The following BCR variants were observed in gnomAD, a reference collection of about 807,000 sequenced individuals.
BCR encodes the protein breakpoint cluster region protein.
A neutral mutation model predicts 138.6 loss-of-function variants in BCR; 58 were observed. That is an observed-to-expected ratio of 0.42 (90% CI 0.34 to 0.52). The LOEUF (loss-of-function observed/expected upper bound fraction) is 0.52. Ranked by LOEUF, BCR falls within the 20% of genes least tolerant of loss-of-function variation. The pLI, the probability that BCR is intolerant of heterozygous loss-of-function variation, is 0.06. For synonymous variants in BCR, 786 were observed against 730.1 expected, an observed-to-expected ratio of 1.08 and a Z score of -1.23; for missense variants, 1,599 against 1,727.2, an observed-to-expected ratio of 0.93 and a Z score of 1.32.
In BCR at chr22:23,231,794, C is replaced by T. The variant is rs140755149; in HGVS notation, c.1280-22005C>T. Among the ~76,000 whole-genome samples the T allele has an allele frequency of 5.6e-4, 86 of 152,356 alleles. 1 individual carries two copies. The South Asian group carries it at 7.0e-3, about 12-fold the overall frequency. On this transcript the variant is annotated intron_variant, in intron 1 of 22. Transcript: ENST00000305877. Reference sequence around the variant, plus strand: ...TGAGTTATGTCCCCACCCGTGCCTACGCCCAACCTTTATGCCCCGTTTTTA... The same window carrying T: ...TGAGTTATGTCCCCACCCGTGCCTATGCCCAACCTTTATGCCCCGTTTTTA...
Position 23,217,742 on chromosome 22 carries a change from T to G in BCR, c.1279+35503T>G, listed in dbSNP as rs192324691. On this transcript the variant is annotated intron_variant, in intron 1 of 22. Coordinates refer to ENST00000305877, the MANE Select transcript of BCR (RefSeq NM_004327.4). ...AAGTTCTCTGTAAGTTTGTAAATGT[T>G]TGAAAATAAATAGTGGAATAAATAA... Among the ~76,000 whole-genome samples, 353 of 152,318 alleles carry G rather than the reference T, an allele frequency of 2.3e-3. 2 individuals carry two copies. The highest frequency in any genetic ancestry group is 8.1e-3 in the African/African-American group (337 of 41,566).
chr22:23,306,427 TG>T (rs1390020928), intron 16 of BCR, among the ~76,000 whole-genome samples: 1 of 151,948 alleles, frequency 6.6e-6, no homozygotes, highest in Non-Finnish European at 1.5e-5. Context: ...CTGCTGGGAG[TG>T]GTGCAGATTT....
At chr22:23,217,807 C>G (rs75578873) in intron 1 of BCR, among the ~76,000 whole-genome samples, 1 of 152,216 alleles carries the variant, frequency 6.6e-6, no homozygotes, top group African/African-American at 2.4e-5. Flanking sequence ...GTGGGATGCT[C>G]GTGAGACCTG....
At chr22:23,209,316 C>T (rs1019438221) in intron 1 of BCR, among the ~76,000 whole-genome samples, 22 of 151,210 alleles carry the variant, frequency 1.5e-4, no homozygotes, top group South Asian at 2.1e-4. Context: ...GCCGAGATCA[C>T]GCCACTGCAC....
At chr22:23,266,025 AG>A (rs1478195286) in intron 4 of BCR, among the ~76,000 whole-genome samples, 2 of 151,756 alleles carry the variant, frequency 1.3e-5, no homozygotes, top group Non-Finnish European at 2.9e-5. Context: ...CCATCTCTCT[AG>A]TCTCCTTCCA....
At position 23,253,988 on chromosome 22, in the gene BCR, C is replaced by T. The variant is rs1337797816; in HGVS notation, c.1461+8C>T. 1.2e-6 allele frequency: 2 copies of T among 1,607,478 alleles called. No homozygotes were observed. The highest frequency in any genetic ancestry group is 3.4e-5 in the Admixed American group (2 of 59,636). On this transcript the variant is annotated splice_region_variant and intron_variant, in intron 2 of 22. Transcript: ENST00000305877. ...CTGGAGTCCACTAAAGCGGTGAGTC[C>T]CCATGGTGTACGTGTGGCAGGAGGG...
chr22:23,299,120 C>A (rs1223136803), intron 16 of BCR, among the ~76,000 whole-genome samples: 6 of 151,634 alleles, frequency 4.0e-5, no homozygotes, highest in Non-Finnish European at 5.9e-5. Flanking sequence ...CCTCAGCCTC[C>A]CGAGTAGCCG....
At chr22:23,263,115 A>C (rs2073388358) in intron 4 of BCR, 1 of 709,264 alleles carries the variant, frequency 1.4e-6, no homozygotes, top group South Asian at 1.9e-5. Flanking sequence ...TTGGGCCTAC[A>C]TCCCGGGGAC....
chr22:23,251,674 G>T (rs1358358078), intron 1 of BCR, among the ~76,000 whole-genome samples: 9 of 152,248 alleles, frequency 5.9e-5, no homozygotes, highest in South Asian at 2.1e-4. Flanking sequence ...GGTGTGTGTG[G>T]TGGCAGTTGT....
intron 8 of BCR, among the ~76,000 whole-genome samples, chr22:23,282,322 C>T (rs891653456): frequency 2.6e-5 from 4 of 152,252 alleles, no homozygotes; most frequent in African/African-American, 9.6e-5. Flanking sequence ...CGTCTGCCCT[C>T]GGCAGGCGGG....
chr22:23,221,044 A>G (rs1191957399), intron 1 of BCR, among the ~76,000 whole-genome samples: 3 of 151,520 alleles, frequency 2.0e-5, no homozygotes, highest in Non-Finnish European at 2.9e-5. Context: ...TGAATTTCTC[A>G]CTCTAATGGG....
intron 11 of BCR, 108 bp from the exon 12 acceptor site, chr22:23,287,989 C>T: frequency 1.8e-6 from 2 of 1,103,934 alleles, no homozygotes; most frequent in South Asian, 1.3e-5. Context: ...CCACTGGGCT[C>T]CAGCCGGCTG....
chr22:23,289,723 T>A, intron 13 of BCR, 102 bp downstream of exon 13: 1 of 982,346 alleles, frequency 1.0e-6, no homozygotes, highest in Non-Finnish European at 1.6e-6. Context: ...ATGGGACTAG[T>A]GGACTTTGGT....
At position 23,288,141 on chromosome 22, in the gene BCR, G is replaced by T; in HGVS notation, c.2571G>T (p.Trp857Cys). Reference protein sequence around the residue: ...LISSDYERAEWRENIREQQKK... With the variant: ...LISSDYERAECRENIREQQKK... ...CCTCTGACTATGAGCGTGCAGAGTGGAGGGAGAACATCCGGGAGCAGCAGA... is the reference window on the plus strand; with the variant it reads ...CCTCTGACTATGAGCGTGCAGAGTGTAGGGAGAACATCCGGGAGCAGCAGA... Residue 857 changes from tryptophan (W) to cysteine (C), a missense_variant, in exon 12 of 23, where the codon TGG becomes TGT. Physicochemically the swap from Trp to Cys is radical, Grantham distance 215 (BLOSUM62 -2). This residue lies in a region of BCR where 590 missense variants were observed against 762.4 expected (regional missense o/e 0.77). Transcript: ENST00000305877. 2 of 1,614,094 alleles carry T rather than the reference G, an allele frequency of 1.2e-6. No homozygotes were observed. Among genetic ancestry groups the T allele is most frequent in the Non-Finnish European group, 8.5e-7 (1 of 1,179,978 alleles).
chr22:23,263,023 A>G, intron 4 of BCR: 2 of 780,346 alleles, frequency 2.6e-6, no homozygotes, highest in South Asian at 2.3e-5. Flanking sequence ...GGAAGAAAGT[A>G]TGGGAAGGAG....
At chr22:23,219,385 A>G (rs1021145865) in intron 1 of BCR, among the ~76,000 whole-genome samples, 5 of 152,066 alleles carry the variant, frequency 3.3e-5, no homozygotes, top group African/African-American at 1.2e-4. Context: ...TCTCCCCACC[A>G]TGGCTCCAGA....
At chr22:23,250,542 C>T (rs1050145547) in intron 1 of BCR, among the ~76,000 whole-genome samples, 3 of 152,152 alleles carry the variant, frequency 2.0e-5, no homozygotes, top group Non-Finnish European at 4.4e-5. Flanking sequence ...CACTTGGACA[C>T]CTCTGCTAGA....
intron 3 of BCR, 98 bp downstream of exon 3, chr22:23,261,152 C>A: frequency 1.5e-6 from 2 of 1,324,758 alleles, no homozygotes; most frequent in South Asian, 1.2e-5. Context: ...CTGTCAGAGC[C>A]TGGGTGCAGC....
Position 23,182,042 on chromosome 22 carries a change from G to C in BCR, c.1082G>C (p.Arg361Pro), listed in dbSNP as rs1191326434. Residue 361 changes from arginine (R) to proline (P), a missense_variant, in exon 1 of 23, where the codon CGC becomes CCC. By Grantham distance (103) the Arg-to-Pro change is moderately radical. Around this residue, in one of 4 missense-constraint regions of BCR, gnomAD observed 806 missense variants for 635.0 expected, o/e 1.27. Transcript: ENST00000305877. ...GTGTCCCCAAGCCCCACCACCTACC[G>C]CATGTTCCGGGACAAAAGCCGCTCT... Reference protein sequence around the residue: ...SRVSPSPTTYRMFRDKSRSPS... With the variant: ...SRVSPSPTTYPMFRDKSRSPS... 1 of 1,613,336 alleles carries C rather than the reference G, an allele frequency of 6.2e-7. No homozygotes were observed. The highest frequency in any genetic ancestry group is 1.7e-5 in the Admixed American group (1 of 60,014).
Sources: allele counts gnomAD v4.1 joint callset (sites outside exome capture counted in the v4.1 genomes callset), GRCh38; gene constraint gnomAD v4.1.1; regional missense constraint gnomAD v4.1.1; transcripts MANE v1.5; gene names NCBI Gene and HGNC (gene_info 2026-07-23, HGNC 2026-07-21).